ZNF695: variants seen among roughly 807,000 people sequenced by gnomAD.
The protein encoded by ZNF695 is zinc finger protein 695, also known as zinc finger protein SBZF3.
In ZNF695, 11 loss-of-function variants were observed where a neutral mutation model predicts 11.2. That is an observed-to-expected ratio of 0.98 (90% CI 0.62 to 1.62). The LOEUF (loss-of-function observed/expected upper bound fraction) is 1.62, where lower values mean the gene tolerates loss of function less well. Among genes scored for constraint, ZNF695 ranks in the 40% most tolerant of loss-of-function variants. The pLI is 0.00. For synonymous variants in ZNF695, 190 were observed against 201.4 expected (o/e 0.94, Z 0.48); for missense variants, 559 against 590.5 (o/e 0.95, Z 0.55).
intron 3 of ZNF695, among the ~76,000 whole-genome samples, chr1:246,989,538 T>C (rs1668963432): frequency 7.2e-6 from 1 of 137,994 alleles, no homozygotes; most frequent in Non-Finnish European, 1.5e-5. Flanking sequence ...TCACCTTCAC[T>C]AAAGGAACAT....
At chr1:246,945,894 T>C in intron 5 of ZNF695, 1 of 1,535,618 alleles carries the variant, frequency 6.5e-7, no homozygotes, top group Non-Finnish European at 8.8e-7. Flanking sequence ...TGATTTATGC[T>C]GAGGTGTTAA....
intron 5 of ZNF695, among the ~76,000 whole-genome samples, chr1:246,964,660 C>A (rs1668242575): frequency 6.6e-6 from 1 of 152,114 alleles, no homozygotes; most frequent in Admixed American, 6.5e-5. Flanking sequence ...CACTTGAGGT[C>A]AGGAGTTCAA....
At position 246,999,458 on chromosome 1, in the gene ZNF695, A is replaced by T. The variant is rs764355275; in HGVS notation, c.167-18T>A. 6 of 1,598,632 alleles carry T rather than the reference A, an allele frequency of 3.8e-6. No homozygotes were observed. In the South Asian group the frequency reaches 5.5e-5, roughly 15 times the overall value. ...AGCAAGACCTGTTTTATTAGAAAAA[A>T]GGTGCATGATTCTTGCAGGGATTCT... On this transcript the variant is annotated intron_variant, in intron 2 of 3. Coordinates refer to ENST00000339986, the MANE Select transcript of ZNF695 (RefSeq NM_020394.5).
intron 5 of ZNF695, among the ~76,000 whole-genome samples, chr1:246,951,127 C>A (rs1217941583): frequency 2.0e-5 from 3 of 152,078 alleles, no homozygotes; most frequent in African/African-American, 7.2e-5. Flanking sequence ...CACCGAGACA[C>A]CCTCAGTATG....
At chr1:246,998,837 G>A (rs553360646) in intron 3 of ZNF695, among the ~76,000 whole-genome samples, 1 of 152,200 alleles carries the variant, frequency 6.6e-6, no homozygotes, top group Non-Finnish European at 1.5e-5. Context: ...GTGTGGTGGC[G>A]TGAGCCTGTA....
At chr1:246,984,279 TTAA>T (rs1195122646), downstream of ZNF695, among the ~76,000 whole-genome samples, 4 of 125,456 alleles carry the variant, frequency 3.2e-5, no homozygotes, top group Admixed American at 8.8e-5. Flanking sequence ...AACACAGGTT[TTAA>T]AAAAAAAAAA....
intron 5 of ZNF695, among the ~76,000 whole-genome samples, chr1:246,949,916 T>G (rs1667831836): frequency 6.6e-6 from 1 of 152,190 alleles, no homozygotes; most frequent in Non-Finnish European, 1.5e-5. Flanking sequence ...AGCAGGAAAA[T>G]GTATACAGAA....
At chr1:246,999,879 A>T in intron 2 of ZNF695, 33 bp downstream of exon 2, 1 of 1,607,020 alleles carries the variant, frequency 6.2e-7, no homozygotes, top group Non-Finnish European at 8.5e-7. Context: ...CTCCCAGAAA[A>T]CATTCTACAA....
At position 246,988,039 on chromosome 1, in the gene ZNF695, T is replaced by C. The variant is rs1558315576; in HGVS notation, c.476A>G (p.Asn159Ser). Residue 159 changes from asparagine to serine, a missense_variant, in exon 4 of 4, where the codon AAT becomes AGT. Transcript: ENST00000339986. Reference sequence around the variant, plus strand: ...TTTACTAAAACCTTTCACACATTTATTGCATTGAAAGTTTTTGCTATGAGT... The same window carrying C: ...TTTACTAAAACCTTTCACACATTTACTGCATTGAAAGTTTTTGCTATGAGT... Reference protein sequence around the residue: ...ATTHSKNFQCNKCVKGFSKFA... With the variant: ...ATTHSKNFQCSKCVKGFSKFA... 1 of 1,602,368 alleles carries C rather than the reference T, an allele frequency of 6.2e-7. No homozygotes were observed.
In ZNF695 at chr1:246,987,287, A is replaced by T. The variant is rs1668879254; in HGVS notation, c.1228T>A (p.Cys410Ser). Residue 410 changes from cysteine (C) to serine (S), a missense_variant, in exon 4 of 4, where the codon TGT becomes AGT. Physicochemically the swap from Cys to Ser is moderately radical, Grantham distance 112. Transcript: ENST00000339986. ...RIHTGQKPYK[C>S]EECGKAFTWF... is the part of the protein sequence containing the mutation. ...GTAAAAGCTTTGCCACATTCCTCAC[A>T]TTTGTAGGGTTTCTGCCCAGTATGA... is the stretch of plus-strand genomic sequence containing the variant. 6.2e-7 allele frequency: 1 copy of T among 1,613,888 alleles called. No individual in the cohort carries two copies. Among genetic ancestry groups the T allele is most frequent in the Non-Finnish European group, 8.5e-7 (1 of 1,179,994 alleles).
intron 1 of ZNF695, among the ~76,000 whole-genome samples, chr1:247,003,478 C>T (rs1572537633): frequency 6.6e-6 from 1 of 152,146 alleles, no homozygotes; most frequent in Non-Finnish European, 1.5e-5. Context: ...GTAGAAACTA[C>T]CTGTTGGATA....
At position 246,987,999 on chromosome 1, in the gene ZNF695, AT is replaced by A; in HGVS notation, c.515del (p.Asn172IlefsTer5). On this transcript the variant is annotated frameshift_variant, in exon 4 of 4. Transcript: ENST00000339986. LOFTEE classifies it low-confidence loss of function (END_TRUNC). ...CTCCAGTATGGCTTATCTTACATTTATTTAGATTTGCAAATTTACTAAAACC... is the reference window on the plus strand; with the variant it reads ...CTCCAGTATGGCTTATCTTACATTTATTAGATTTGCAAATTTACTAAAACC... ...VKGFSKFANL[N>X]KCKISHTGEK... The A allele has an allele frequency of 6.3e-7, 1 of 1,596,252 alleles. No individual in the cohort carries two copies. The highest frequency in any genetic ancestry group is 8.5e-7 in the Non-Finnish European group (1 of 1,174,180).
At chr1:246,969,820 G>C (rs1668380880) in intron 4 of ZNF695, 1 of 152,246 alleles carries the variant, frequency 6.6e-6, no homozygotes, top group African/African-American at 2.4e-5. Context: ...GTGGAAGAGA[G>C]AGAGCATAGG....
At position 247,007,787 on chromosome 1, in the gene ZNF695, C is replaced by T. The variant is rs1446007669; in HGVS notation, c.3+119G>A. On this transcript the variant is annotated intron_variant, in intron 1 of 3. Transcript: ENST00000339986. ...CCGAGCTGCGCCAGCGGGACTCGGC[C>T]GCACACTCCGGAGCCGACCGCCGGG... 5 of 1,224,150 alleles carry T rather than the reference C, an allele frequency of 4.1e-6. No homozygotes were observed. In the East Asian group the frequency reaches 8.5e-5, roughly 21 times the overall value. The allele number at this position is 1,224,150 out of a possible 1,614,324, so 75.8% of individuals were successfully genotyped here.
At chr1:246,983,057 A>G (rs1422411503), downstream of ZNF695, among the ~76,000 whole-genome samples, 2 of 152,008 alleles carry the variant, frequency 1.3e-5, no homozygotes, top group Non-Finnish European at 2.9e-5. Flanking sequence ...CAAAAAAATT[A>G]GCCGGGTGTG....
Position 246,987,415 on chromosome 1 carries a change from A to C in ZNF695, c.1100T>G (p.Leu367Arg). Residue 367 changes from leucine (L) to arginine (R), a missense_variant, in exon 4 of 4, where the codon CTG (leucine) becomes CGG (arginine). Coordinates refer to ENST00000339986, the MANE Select transcript of ZNF695 (RefSeq NM_020394.5). ...AGTATGAATTCTCCTATGTTCAGTC[A>C]GATGTGAGCTCTGGTTAAAGGCTTT... is the stretch of plus-strand genomic sequence containing the variant. ...CGKAFNQSSH[L>R]TEHRRIHTGE... The C allele has an allele frequency of 6.2e-7, 1 of 1,612,196 alleles. No individual in the cohort carries two copies. Among genetic ancestry groups the C allele is most frequent in the South Asian group, 1.1e-5 (1 of 90,778 alleles).
At chr1:246,962,715 C>T (rs1461843946) in intron 5 of ZNF695, among the ~76,000 whole-genome samples, 9 of 149,628 alleles carry the variant, frequency 6.0e-5, no homozygotes, top group Admixed American at 2.0e-4. Context: ...TTTTTTGAGA[C>T]GGAGTCTCGC....
At chr1:246,967,398 T>C (rs911361063) in intron 5 of ZNF695, 3 of 456,222 alleles carry the variant, frequency 6.6e-6, no homozygotes, top group Admixed American at 2.4e-5. Context: ...GCAGTAGAGG[T>C]GGCAAGACAT....
chr1:246,977,074 C>T (rs936085053), intron 4 of ZNF695, among the ~76,000 whole-genome samples: 10 of 152,158 alleles, frequency 6.6e-5, no homozygotes, highest in African/African-American at 1.4e-4. Flanking sequence ...CCCTGCCATT[C>T]GCAAAGTTTA....
Sources: gnomAD v4.1 joint callset for allele counts (sites outside exome capture counted in the v4.1 genomes callset) on GRCh38, gnomAD v4.1.1 for gene constraint, MANE v1.5 for transcripts, NCBI Gene and HGNC (gene_info 2026-07-23, HGNC 2026-07-21) for gene names.